The following DISC1 variants were observed in gnomAD, a reference collection of about 807,000 sequenced individuals.
The protein encoded by DISC1 is disrupted in schizophrenia 1 protein.
DISC1 carries 57 observed loss-of-function variants against 84.5 expected under a neutral mutation model. The ratio of observed to expected loss-of-function variants is 0.67; its 90% CI spans 0.55 to 0.84. The LOEUF is 0.84. Ranked by LOEUF, DISC1 falls within the 40% of genes least tolerant of loss-of-function variation. DISC1 has a pLI of 0.00. For synonymous variants in DISC1, 411 were observed against 415.2 expected (o/e 0.99, Z 0.12); for missense variants, 1,000 against 1,057.8 (o/e 0.95, Z 0.76).
At chr1:231,987,201 G>A (rs1664569171) in intron 10 of DISC1, among the ~76,000 whole-genome samples, 2 of 152,326 alleles carry the variant, frequency 1.3e-5, no homozygotes, top group Middle Eastern at 3.4e-3. Context: ...TTAGATTGCA[G>A]CCTTTATGAT....
intron 8 of DISC1, among the ~76,000 whole-genome samples, chr1:231,812,830 C>A (rs1451092448): frequency 6.6e-6 from 1 of 152,180 alleles, no homozygotes; most frequent in African/African-American, 2.4e-5. Flanking sequence ...TCAGAGAGGT[C>A]TGCATCAAGC....
intron 9 of DISC1, among the ~76,000 whole-genome samples, chr1:231,914,449 A>T (rs1248764031): frequency 6.6e-6 from 1 of 152,216 alleles, no homozygotes; most frequent in Admixed American, 6.5e-5. Flanking sequence ...TTAACTGGTC[A>T]TCCTTGTCAC....
chr1:231,793,833 T>C (rs948245821), intron 6 of DISC1, among the ~76,000 whole-genome samples: 1 of 152,366 alleles, frequency 6.6e-6, no homozygotes, highest in Non-Finnish European at 1.5e-5. Flanking sequence ...ATTGTAAATA[T>C]TTCAAACATA....
intron 9 of DISC1, among the ~76,000 whole-genome samples, chr1:231,911,007 C>T (rs2089151061): frequency 6.6e-6 from 1 of 151,860 alleles, no homozygotes; most frequent in Non-Finnish European, 1.5e-5. Context: ...CCCCTGCTTT[C>T]TTTTGTTTTC....
At chr1:231,990,043 G>A (rs1664996784) in intron 10 of DISC1, among the ~76,000 whole-genome samples, 1 of 152,022 alleles carries the variant, frequency 6.6e-6, no homozygotes, top group Non-Finnish European at 1.5e-5. Context: ...CTCCCCTACT[G>A]GTTCTGCAGT....
At chr1:231,781,267 GA>G (rs1558533995) in intron 6 of DISC1, among the ~76,000 whole-genome samples, 1 of 118,212 alleles carries the variant, frequency 8.5e-6, no homozygotes, top group African/African-American at 3.2e-5. Context: ...AAAGGAGGGT[GA>G]AAAAATGGAT....
In DISC1 at chr1:231,989,486, A is replaced by G. The variant is rs181974210; in HGVS notation, c.2043-19299A>G. Reference sequence around the variant, plus strand: ...TGCTCTGGTAGGGAAGCGCATGTACATGGATGATTAAAATAAATGCTTCAT... The same window carrying G: ...TGCTCTGGTAGGGAAGCGCATGTACGTGGATGATTAAAATAAATGCTTCAT... On this transcript the variant is annotated intron_variant, in intron 10 of 12. Transcript: ENST00000439617. 3.9e-3 allele frequency among the ~76,000 whole-genome samples: 589 copies of G among 152,352 alleles called. 2 individuals carry two copies. Among genetic ancestry groups the G allele is most frequent in the Non-Finnish European group, 6.0e-3 (408 of 68,028 alleles).
intron 1 of DISC1, among the ~76,000 whole-genome samples, chr1:231,666,012 T>C (rs919377821): frequency 1.3e-5 from 2 of 152,186 alleles, no homozygotes; most frequent in African/African-American, 4.8e-5. Context: ...TTTCTGGCTC[T>C]TTTCTCTTAA....
intron 6 of DISC1, among the ~76,000 whole-genome samples, chr1:231,788,601 G>A (rs986311631): frequency 3.3e-5 from 5 of 152,162 alleles, no homozygotes; most frequent in South Asian, 2.1e-4. Context: ...AATTCAACAC[G>A]TAATATAGCC....
intron 10 of DISC1, among the ~76,000 whole-genome samples, chr1:231,961,636 G>C (rs1186214097): frequency 6.6e-6 from 1 of 152,074 alleles, no homozygotes; most frequent in Admixed American, 6.5e-5. Flanking sequence ...GCAGTGTTTG[G>C]TTTTTCGTTC....
At chr1:231,654,769 T>A (rs1212537659) in intron 1 of DISC1, among the ~76,000 whole-genome samples, 8 of 152,226 alleles carry the variant, frequency 5.3e-5, no homozygotes, top group African/African-American at 1.9e-4. Flanking sequence ...TTAAGTTTTT[T>A]ATGCCAATAG....
At chr1:231,966,895 G>T (rs532229540) in intron 10 of DISC1, among the ~76,000 whole-genome samples, 2 of 152,178 alleles carry the variant, frequency 1.3e-5, no homozygotes, top group South Asian at 2.1e-4. Flanking sequence ...CATCAGAAAA[G>T]ACAAACAAAA....
At chr1:232,029,608 G>A in intron 12 of DISC1, among the ~76,000 whole-genome samples, 1 of 152,210 alleles carries the variant, frequency 6.6e-6, no homozygotes, top group East Asian at 1.9e-4. Context: ...ATTCCATTAA[G>A]CATGCTGCCA....
chr1:231,953,330 A>G (rs962113487), intron 9 of DISC1, among the ~76,000 whole-genome samples: 1 of 152,176 alleles, frequency 6.6e-6, no homozygotes, highest in African/African-American at 2.4e-5. Context: ...AATTTCACTC[A>G]CGTAGGACTT....
chr1:231,784,188 G>C (rs151037026), intron 6 of DISC1, among the ~76,000 whole-genome samples: 1 of 151,764 alleles, frequency 6.6e-6, no homozygotes, highest in Non-Finnish European at 1.5e-5. Context: ...GCTTGAACCC[G>C]GGAGGCAGAG....
chr1:232,018,681 A>G (rs1668693187), intron 11 of DISC1, among the ~76,000 whole-genome samples: 1 of 152,198 alleles, frequency 6.6e-6, no homozygotes, highest in African/African-American at 2.4e-5. Context: ...AGGTGAGTTA[A>G]GCAAATTATA....
At chr1:231,974,764 A>C (rs1662541912) in intron 10 of DISC1, among the ~76,000 whole-genome samples, 2 of 152,370 alleles carry the variant, frequency 1.3e-5, no homozygotes, top group South Asian at 4.1e-4. Flanking sequence ...CAATCTATAT[A>C]GTAATTTTCT....
chr1:231,699,196 C>T (rs66909551), intron 2 of DISC1, among the ~76,000 whole-genome samples: 39,600 of 151,988 alleles, frequency 0.26, 5,618 homozygotes, highest in Non-Finnish European at 0.32. Flanking sequence ...ATCACTGCCA[C>T]TCATACCCTG....
intron 9 of DISC1, among the ~76,000 whole-genome samples, chr1:231,919,860 T>C (rs2089889953): frequency 6.6e-6 from 1 of 152,230 alleles, no homozygotes; most frequent in Non-Finnish European, 1.5e-5. Context: ...TGTATACTTG[T>C]GTTTTCCTGT....
Sources: gnomAD v4.1 joint callset for allele counts (sites outside exome capture counted in the v4.1 genomes callset) on GRCh38, gnomAD v4.1.1 for gene constraint, MANE v1.5 for transcripts, NCBI Gene and HGNC (gene_info 2026-07-23, HGNC 2026-07-21) for gene names.